The following DDX18 variants were observed in gnomAD, a reference collection of about 807,000 sequenced individuals.
DDX18 encodes the protein ATP-dependent RNA helicase DDX18.
In DDX18, 23 loss-of-function variants were observed where a neutral mutation model predicts 73.5. The observed-to-expected ratio is 0.31, with a 90% CI of 0.23 to 0.44. The LOEUF (loss-of-function observed/expected upper bound fraction) is 0.44, where lower values mean the gene tolerates loss of function less well. Among genes scored for constraint, DDX18 ranks in the 20% least tolerant of loss-of-function variants. The pLI is 1.00. For synonymous variants in DDX18, 268 were observed against 282.7 expected, an observed-to-expected ratio of 0.95 and a Z score of 0.52; for missense variants, 753 against 792.9, an observed-to-expected ratio of 0.95 and a Z score of 0.60.
Position 117,817,609 on chromosome 2 carries a change from C to G in DDX18, c.251C>G (p.Thr84Arg). Residue 84 changes from threonine to arginine, a missense_variant, in exon 2 of 14, where the codon ACA becomes AGA. This residue lies in a region of DDX18 where 345 missense variants were observed against 352.0 expected (regional missense o/e 0.98). Transcript: ENST00000263239. ...GAAGCAGTGGGAAATATAAAAGTTACAAAGTCTCCCCAGAAATCCACTGTA... is the reference window on the plus strand; with the variant it reads ...GAAGCAGTGGGAAATATAAAAGTTAGAAAGTCTCCCCAGAAATCCACTGTA... ...SQEAVGNIKV[T>R]KSPQKSTVLT... is the part of the protein sequence containing the mutation. The G allele has an allele frequency of 6.2e-7, 1 of 1,613,962 alleles. No individual in the cohort carries two copies. The highest frequency in any genetic ancestry group is 8.5e-7 in the Non-Finnish European group (1 of 1,179,946).
chr2:117,819,841 T>TC (rs1260807000), intron 3 of DDX18, 49 bp downstream of exon 3: 5 of 1,493,024 alleles, frequency 3.3e-6, no homozygotes, highest in Non-Finnish European at 4.5e-6. Context: ...AATGTGCCTC[T>TC]CTTAGAGGAT....
In DDX18 at chr2:117,820,989, A is replaced by G. The variant is rs1679837545; in HGVS notation, c.515-172A>G. 2.0e-5 allele frequency among the ~76,000 whole-genome samples: 3 copies of G among 152,288 alleles called. No homozygotes were observed. In the East Asian group the frequency reaches 5.8e-4, roughly 29 times the overall value. ...ACTCACACAGCCGTTAACAGTGGAGAAACTTGAAAGATATAGGGTCTTTTT... is the reference window on the plus strand; with the variant it reads ...ACTCACACAGCCGTTAACAGTGGAGGAACTTGAAAGATATAGGGTCTTTTT... On this transcript the variant is annotated intron_variant, in intron 3 of 13. Transcript: ENST00000263239.
rs752619377 is a variant in DDX18, at chr2:117,821,849, A to G, written c.752-13A>G. On this transcript the variant is annotated splice_polypyrimidine_tract_variant and intron_variant, in intron 5 of 13. Coordinates refer to ENST00000263239, the MANE Select transcript of DDX18 (RefSeq NM_006773.4). ...ACAGCCACATTTAGACTTCTACCAT[A>G]TATCATTTTTAGGAACAGGAGTCCT... 1.9e-6 allele frequency: 3 copies of G among 1,613,732 alleles called. No homozygotes were observed. Among genetic ancestry groups the G allele is most frequent in the African/African-American group, 1.3e-5 (1 of 74,886 alleles).
chr2:117,820,628 G>A (rs1343579944), intron 3 of DDX18, among the ~76,000 whole-genome samples: 1 of 152,248 alleles, frequency 6.6e-6, no homozygotes, highest in Non-Finnish European at 1.5e-5. Flanking sequence ...CCCTGGGCAT[G>A]TGGAGTATGG....
chr2:117,829,156 T>C, intron 12 of DDX18, 133 bp from the exon 13 acceptor site: 1 of 1,150,580 alleles, frequency 8.7e-7, no homozygotes, highest in Non-Finnish European at 1.2e-6. Context: ...CTTGCTATTC[T>C]AGTTATCACC....
chr2:117,830,352 A>T (rs1171842468), intron 13 of DDX18, among the ~76,000 whole-genome samples: 1 of 152,164 alleles, frequency 6.6e-6, no homozygotes, highest in Admixed American at 6.5e-5. Context: ...AATTAATATG[A>T]CTATTACACA....
Position 117,825,554 on chromosome 2 carries a change from T to G in DDX18, c.1476T>G (p.Pro492=). The G allele has an allele frequency of 1.2e-6, 2 of 1,614,184 alleles. No homozygotes were observed. The highest frequency in any genetic ancestry group is 1.7e-6 in the Non-Finnish European group (2 of 1,180,010). ...TGGCAGCGAGAGGACTAGACATTCCTGAAGTCGACTGGATTGTTCAGTATG... is the reference window on the plus strand; with the variant it reads ...TGGCAGCGAGAGGACTAGACATTCCGGAAGTCGACTGGATTGTTCAGTATG... ...TDVAARGLDI[P]EVDWIVQYDP... The change falls in exon 10 of 14, where the codon CCT becomes CCG. Residue 492 remains proline (P), a synonymous_variant. Transcript: ENST00000263239.
intron 1 of DDX18, among the ~76,000 whole-genome samples, chr2:117,815,923 G>A (rs552341138): frequency 6.6e-6 from 1 of 152,170 alleles, no homozygotes; most frequent in South Asian, 2.1e-4. Flanking sequence ...ACACACCCAG[G>A]CTACATGATA....
chr2:117,814,952 C>T lies in DDX18; in HGVS notation c.85+90C>T. The T allele has an allele frequency of 6.8e-6, 9 of 1,313,900 alleles. 1 individual carries two copies. The highest frequency in any genetic ancestry group is 7.7e-6 in the Non-Finnish European group (7 of 913,264). The allele number at this position is 1,313,900 out of a possible 1,614,324, so 81.4% of individuals were successfully genotyped here. ...CCGGGGGCCCAGCTGCTCTGTGTGA[C>T]GGAGGCAGCTTCCCCTGCAGCGTGT... is the stretch of plus-strand genomic sequence containing the variant. On this transcript the variant is annotated intron_variant, in intron 1 of 13. Transcript: ENST00000263239.
chr2:117,822,420 A>G (rs962637071), intron 7 of DDX18, 159 bp downstream of exon 7: 28 of 589,036 alleles, frequency 4.8e-5, no homozygotes, highest in Non-Finnish European at 7.2e-5. Flanking sequence ...ACAAGCATCA[A>G]ATGTATTATA....
At chr2:117,827,358 T>C (rs941625958) in intron 11 of DDX18, 4 of 152,190 alleles carry the variant, frequency 2.6e-5, no homozygotes, top group Non-Finnish European at 5.9e-5. Flanking sequence ...ATTATTACAC[T>C]TTAAGTTCTA....
At chr2:117,824,852 A>G in intron 8 of DDX18, 88 bp from the exon 9 acceptor site, 1 of 1,497,198 alleles carries the variant, frequency 6.7e-7, no homozygotes, top group East Asian at 2.3e-5. Flanking sequence ...CACTGTGTTT[A>G]TCAGTGCTCT....
At position 117,824,987 on chromosome 2, in the gene DDX18, A is replaced by G. The variant is rs545681587; in HGVS notation, c.1254A>G (p.Thr418=). ...PSEKRFLLLF[T]FLKKNRKKKL... ...AAAAGAGATTCCTTCTGCTCTTTACATTCCTTAAGAAGAACCGAAAGAAGA... is the reference window on the plus strand; with the variant it reads ...AAAAGAGATTCCTTCTGCTCTTTACGTTCCTTAAGAAGAACCGAAAGAAGA... The change falls in exon 9 of 14, where the codon ACA becomes ACG. Residue 418 remains threonine (T), a synonymous_variant. Coordinates refer to ENST00000263239, the MANE Select transcript of DDX18 (RefSeq NM_006773.4). The G allele has an allele frequency of 1.3e-4, 217 of 1,613,794 alleles. 2 individuals carry two copies. The South Asian group carries it at 2.0e-3, about 15-fold the overall frequency.
At chr2:117,826,403 A>G in intron 11 of DDX18, 21 bp downstream of exon 11, 1 of 1,603,324 alleles carries the variant, frequency 6.2e-7, no homozygotes, top group South Asian at 1.1e-5. Context: ...GTACTTGGAG[A>G]AAGATTTCTC....
At position 117,821,063 on chromosome 2, in the gene DDX18, C is replaced by T. The variant is rs138376377; in HGVS notation, c.515-98C>T. ...ATTAAGGTTTAGCCTTTTCTTACTG[C>T]GGGAAGCTTTTCTAAGCAAAATAGA... On this transcript the variant is annotated intron_variant, in intron 3 of 13. Transcript: ENST00000263239. 365 of 1,193,684 alleles carry T rather than the reference C, an allele frequency of 3.1e-4. 1 individual carries two copies. In the East Asian group the frequency reaches 7.2e-3, roughly 23 times the overall value. 73.9% of individuals were successfully genotyped at this position (1,193,684 alleles called of 1,614,324 possible).
rs1448711590 is a variant in DDX18, at chr2:117,831,005, A to T, written c.*281A>T. 3 of 354,920 alleles carry T rather than the reference A, an allele frequency of 8.5e-6. No homozygotes were observed. The highest frequency in any genetic ancestry group is 4.4e-5 in the African/African-American group (2 of 45,670). The allele number at this position is 354,920 out of a possible 1,614,324, so 22.0% of individuals were successfully genotyped here. A position where few individuals can be genotyped will look rare whatever the true frequency, so the allele number is the denominator to read the frequency against. On this transcript the variant is annotated 3_prime_UTR_variant, in exon 14 of 14. Transcript: ENST00000263239. ...TTTTAATTTTAAATATCCCTCCCTC[A>T]TACAAGTGTATGTTACCATTTTAAT...
At position 117,824,536 on chromosome 2, in the gene DDX18, G is replaced by C. The variant is rs146785519; in HGVS notation, c.1067-33G>C. 8.2e-6 allele frequency: 11 copies of C among 1,346,886 alleles called. No homozygotes were observed. In the East Asian group the frequency reaches 2.2e-4, roughly 27 times the overall value. 83.4% of individuals were successfully genotyped at this position (1,346,886 alleles called of 1,614,324 possible). ...AGGCAATTGTAAAGATTCCCTAAAA[G>C]ATTGGGGTTATTTTTATATGTATCT... On this transcript the variant is annotated intron_variant, in intron 7 of 13. Coordinates refer to ENST00000263239, the MANE Select transcript of DDX18 (RefSeq NM_006773.4).
chr2:117,816,530 T>C (rs997684041), intron 1 of DDX18, among the ~76,000 whole-genome samples: 2 of 152,196 alleles, frequency 1.3e-5, no homozygotes, highest in African/African-American at 4.8e-5. Context: ...GGGGCAACAA[T>C]AGGCATGGAG....
rs1347512211 is a variant in DDX18, at chr2:117,829,606, T to C, written c.1870+140T>C. ...GTGTTCACCCTGGTCGATGTCTGCT[T>C]TTCTGTGCTAGCACAGGACATAGAG... is the stretch of plus-strand genomic sequence containing the variant. On this transcript the variant is annotated intron_variant, in intron 13 of 13. Coordinates refer to ENST00000263239, the MANE Select transcript of DDX18 (RefSeq NM_006773.4). 7.3e-6 allele frequency: 6 copies of C among 824,744 alleles called. No individual in the cohort carries two copies. In the African/African-American group the frequency reaches 1.0e-4, roughly 14 times the overall value. 51.1% of individuals were successfully genotyped at this position (824,744 alleles called of 1,614,324 possible). A position where few individuals can be genotyped will look rare whatever the true frequency, so the allele number is the denominator to read the frequency against.
Sources: allele counts gnomAD v4.1 joint callset (sites outside exome capture counted in the v4.1 genomes callset), GRCh38; gene constraint gnomAD v4.1.1; regional missense constraint gnomAD v4.1.1; transcripts MANE v1.5; gene names NCBI Gene and HGNC (gene_info 2026-07-23, HGNC 2026-07-21).